MAP3K5: variants seen among roughly 807,000 people sequenced by gnomAD.
MAP3K5 encodes the protein mitogen-activated protein kinase kinase kinase 5.
A neutral mutation model predicts 158.7 loss-of-function variants in MAP3K5; 56 were observed. The observed-to-expected ratio is 0.35, with a 90% CI of 0.28 to 0.44. The LOEUF (loss-of-function observed/expected upper bound fraction) is 0.44. Ranked by LOEUF, MAP3K5 falls within the 20% of genes least tolerant of loss-of-function variation. The probability of loss-of-function intolerance (pLI) is 1.00; values close to 1 mark genes in which losing one functional copy is unlikely to be tolerated. For synonymous variants in MAP3K5, 579 were observed against 601.7 expected (o/e 0.96, Z 0.55); for missense variants, 1,294 against 1,674.8 (o/e 0.77, Z 3.97).
intron 1 of MAP3K5, among the ~76,000 whole-genome samples, chr6:136,733,914 G>T (rs1231439611): frequency 2.6e-5 from 4 of 151,940 alleles, no homozygotes; most frequent in African/African-American, 9.7e-5. Flanking sequence ...ATAATTATAG[G>T]ATCATACAGA....
chr6:136,684,909 T>A (rs562331436), intron 7 of MAP3K5, among the ~76,000 whole-genome samples: 250 of 152,324 alleles, frequency 1.6e-3, no homozygotes, highest in African/African-American at 5.6e-3. Flanking sequence ...GAGAACTATG[T>A]TTTTAATGCT....
Position 136,592,781 on chromosome 6 carries a change from C to T in MAP3K5, c.2879-167G>A, listed in dbSNP as rs558504842. ...TCATGTGTTATGACTGCCTCCCTTG[C>T]TCAGCATAACCCATACAGCAGGGTA... On this transcript the variant is annotated intron_variant, in intron 21 of 29. Coordinates refer to ENST00000359015, the MANE Select transcript of MAP3K5 (RefSeq NM_005923.4). 1.4e-4 allele frequency: 101 copies of T among 713,222 alleles called. 3 individuals carry two copies. In the South Asian group the frequency reaches 1.4e-3, roughly 10 times the overall value. 44.2% of individuals were successfully genotyped at this position (713,222 alleles called of 1,614,324 possible). A position where few individuals can be genotyped will look rare whatever the true frequency, so the allele number is the denominator to read the frequency against.
intron 15 of MAP3K5, among the ~76,000 whole-genome samples, chr6:136,615,140 T>C (rs1429350546): frequency 6.6e-6 from 1 of 152,240 alleles, no homozygotes; most frequent in Non-Finnish European, 1.5e-5. Context: ...GTAATTATTG[T>C]ACAGCTTGCC....
At chr6:136,596,940 T>C (rs769930766) in intron 21 of MAP3K5, among the ~76,000 whole-genome samples, 3 of 152,090 alleles carry the variant, frequency 2.0e-5, no homozygotes, top group Non-Finnish European at 4.4e-5. Context: ...TCCTCGAACA[T>C]AAGCTCATAC....
chr6:136,642,030 A>AAAAT (rs1491266433), intron 12 of MAP3K5, among the ~76,000 whole-genome samples: 47 of 119,338 alleles, frequency 3.9e-4, no homozygotes, highest in Non-Finnish European at 6.5e-4. Flanking sequence ...AAAATAAAAT[A>AAAAT]AAAATAAAAT....
intron 14 of MAP3K5, among the ~76,000 whole-genome samples, chr6:136,628,458 G>T (rs9494543): frequency 0.036 from 5,512 of 151,876 alleles, 366 homozygotes; most frequent in African/African-American, 0.12. Context: ...ACCCAGGCTG[G>T]ACTCAAAGTC....
At chr6:136,676,021 A>C (rs1188021536) in intron 7 of MAP3K5, among the ~76,000 whole-genome samples, 1 of 152,228 alleles carries the variant, frequency 6.6e-6, no homozygotes, top group Non-Finnish European at 1.5e-5. Flanking sequence ...AAAATTTCTT[A>C]AAATCACATG....
intron 4 of MAP3K5, among the ~76,000 whole-genome samples, 186 bp downstream of exon 4, chr6:136,698,303 T>C (rs1424759734): frequency 6.6e-6 from 1 of 152,216 alleles, no homozygotes; most frequent in Non-Finnish European, 1.5e-5. Flanking sequence ...TGATTTCAAG[T>C]TGCTGTTCTG....
At chr6:136,767,267 G>C (rs1784005049) in intron 1 of MAP3K5, among the ~76,000 whole-genome samples, 2 of 151,982 alleles carry the variant, frequency 1.3e-5, no homozygotes, top group Admixed American at 1.3e-4. Flanking sequence ...GGGAAAGAGG[G>C]AAGGAAGACA....
At chr6:136,601,127 G>T in intron 20 of MAP3K5, 85 bp from the exon 21 acceptor site, 1 of 1,299,324 alleles carries the variant, frequency 7.7e-7, no homozygotes. Context: ...ATGAATGCCT[G>T]AAATGGGGTC....
intron 3 of MAP3K5, 146 bp downstream of exon 3, chr6:136,704,964 C>A: frequency 1.0e-5 from 5 of 491,442 alleles, no homozygotes; most frequent in South Asian, 5.2e-5. Flanking sequence ...CTTAGATAAC[C>A]ATATTTATAT....
At position 136,561,588 on chromosome 6, in the gene MAP3K5, G is replaced by C. The variant is rs921817271; in HGVS notation, c.3932C>G (p.Ser1311Cys). The C allele has an allele frequency of 3.1e-6, 5 of 1,614,014 alleles. No individual in the cohort carries two copies. The highest frequency in any genetic ancestry group is 3.4e-6 in the Non-Finnish European group (4 of 1,179,888). ...LNSSGTNTED[S>C]ELTDWLRVNG... The stretch of plus-strand genomic sequence containing the variant: ...CACTCTCAGCCAGTCGGTAAGTTCA[G>C]AATCTTCAGTATTTGTGCCAGAAGA... The change falls in exon 28 of 30, where the codon TCT becomes TGT. Residue 1311 changes from serine to cysteine, a missense_variant. Around this residue, in one of 5 missense-constraint regions of MAP3K5, gnomAD observed 199 missense variants for 220.3 expected, o/e 0.90. Coordinates refer to ENST00000359015, the MANE Select transcript of MAP3K5 (RefSeq NM_005923.4).
intron 1 of MAP3K5, among the ~76,000 whole-genome samples, chr6:136,748,872 T>C (rs1173473973): frequency 6.6e-6 from 1 of 152,254 alleles, no homozygotes; most frequent in Non-Finnish European, 1.5e-5. Flanking sequence ...GATAACTGCA[T>C]AGGCAATTCA....
chr6:136,774,870 CTTGT>C (rs1409412821), intron 1 of MAP3K5, among the ~76,000 whole-genome samples: 1 of 152,210 alleles, frequency 6.6e-6, no homozygotes, highest in Non-Finnish European at 1.5e-5. Context: ...GAAACTGCTC[CTTGT>C]TTGTCAGATG....
chr6:136,604,508 C>T (rs1776019830), intron 19 of MAP3K5, among the ~76,000 whole-genome samples: 1 of 152,106 alleles, frequency 6.6e-6, no homozygotes, highest in Non-Finnish European at 1.5e-5. Context: ...GTTTCCATTT[C>T]AAACTTCCTG....
chr6:136,649,634 C>T (rs1778429897), intron 11 of MAP3K5, among the ~76,000 whole-genome samples: 1 of 152,198 alleles, frequency 6.6e-6, no homozygotes, highest in African/African-American at 2.4e-5. Flanking sequence ...CAAATGATTA[C>T]TCCCATGCCA....
chr6:136,616,179 A>G (rs192888881), intron 15 of MAP3K5, among the ~76,000 whole-genome samples: 164 of 152,312 alleles, frequency 1.1e-3, no homozygotes, highest in Admixed American at 4.9e-3. Context: ...AACACCAGAA[A>G]TATCAATATA....
At chr6:136,763,421 G>A (rs1783836325) in intron 1 of MAP3K5, among the ~76,000 whole-genome samples, 1 of 152,084 alleles carries the variant, frequency 6.6e-6, no homozygotes, top group Non-Finnish European at 1.5e-5. Flanking sequence ...TGGGGAAACA[G>A]GTCAGTTTAC....
Position 136,792,074 on chromosome 6 carries a change from G to A in MAP3K5, c.84C>T (p.Gly28=), listed in dbSNP as rs1397846220. 1 of 1,570,372 alleles carries A rather than the reference G, an allele frequency of 6.4e-7. No individual in the cohort carries two copies. Among genetic ancestry groups the A allele is most frequent in the South Asian group, 1.1e-5 (1 of 87,142 alleles). The stretch of plus-strand genomic sequence containing the variant: ...CCGCCGCTCCTCCCCTCCTGCAGAT[G>A]CCGCCCTCGGGGATGGTGCAGAAGC... ...PSGFCTIPEG[G]ICRRGGAAAV... Residue 28 remains glycine, a synonymous_variant, in exon 1 of 30, where the codon GGC becomes GGT. Coordinates refer to ENST00000359015, the MANE Select transcript of MAP3K5 (RefSeq NM_005923.4). This position sits in a 1 kb window ranked among gnomAD's most constrained non-coding sequence, Gnocchi z 5.7.
Sources: gnomAD v4.1 joint callset for allele counts (sites outside exome capture counted in the v4.1 genomes callset) on GRCh38, gnomAD v4.1.1 for gene constraint, gnomAD v4.1.1 regional missense constraint, Gnocchi (gnomAD v3.1) non-coding constraint, MANE v1.5 for transcripts, NCBI Gene and HGNC (gene_info 2026-07-23, HGNC 2026-07-21) for gene names.